The following ACIN1 variants were observed in gnomAD, a reference collection of about 807,000 sequenced individuals.
ACIN1 encodes the protein apoptotic chromatin condensation inducer in the nucleus.
Under a neutral mutation model 146.6 loss-of-function variants are expected in ACIN1, and 16 were observed. The observed-to-expected ratio is 0.11, with a 90% confidence interval of 0.07 to 0.17. The LOEUF is 0.17. Among genes scored for constraint, ACIN1 ranks in the 10% least tolerant of loss-of-function variants. The probability of loss-of-function intolerance (pLI) is 1.00; values close to 1 mark genes in which losing one functional copy is unlikely to be tolerated. For missense variants in ACIN1, 1,357 were observed against 1,609.3 expected, an observed-to-expected ratio of 0.84 and a Z score of 2.68; for synonymous variants, 569 against 582.7, an observed-to-expected ratio of 0.98 and a Z score of 0.34.
chr14:23,094,675 G>A, intron 1 of ACIN1: 1 of 721,206 alleles, frequency 1.4e-6, no homozygotes, highest in Non-Finnish European at 2.0e-6. Context: ...CAGCGCATGC[G>A]CCGAAACCAC....
Position 23,079,596 on chromosome 14 carries a change from C to A in ACIN1, c.1739G>T (p.Arg580Ile). 3.1e-6 allele frequency: 5 copies of A among 1,614,204 alleles called. No homozygotes were observed. The highest frequency in any genetic ancestry group is 4.2e-6 in the Non-Finnish European group (5 of 1,180,036). Reference protein sequence around the residue: ...KMGSRSTSESRSRSRSRSRSA... With the variant: ...KMGSRSTSESISRSRSRSRSA... Reference sequence around the variant, plus strand: ...ACGAGAACGTGAACGTGACCTTGATCTGGACTCTGATGTTGATCTGGAGCC... The same window carrying A: ...ACGAGAACGTGAACGTGACCTTGATATGGACTCTGATGTTGATCTGGAGCC... The change falls in exon 6 of 19, where the codon AGA (arginine) becomes ATA (isoleucine). Residue 580 changes from arginine to isoleucine, a missense_variant. Transcript: ENST00000605057.
In ACIN1 at chr14:23,071,610, C is replaced by T. The variant is rs1046592047; in HGVS notation, c.2124-1993G>A. On this transcript the variant is annotated intron_variant, in intron 8 of 18. Coordinates refer to ENST00000605057, the MANE Select transcript of ACIN1 (RefSeq NM_001386863.1). ...CGGATGGGGGAGGGCCTTGCTGCAG[C>T]AGGGGAGGGGAAAGAAAAGAGGGAG... is the stretch of plus-strand genomic sequence containing the variant. 30 of 1,494,590 alleles carry T rather than the reference C, an allele frequency of 2.0e-5. No homozygotes were observed. The South Asian group carries it at 3.7e-4, about 18-fold the overall frequency. The allele number at this position is 1,494,590 out of a possible 1,614,324, so 92.6% of individuals were successfully genotyped here. A position where few individuals can be genotyped will look rare whatever the true frequency, so the allele number is the denominator to read the frequency against.
At position 23,062,177 on chromosome 14, in the gene ACIN1, C is replaced by T; in HGVS notation, c.3090G>A (p.Glu1030=). The T allele has an allele frequency of 6.2e-7, 1 of 1,613,870 alleles. No individual in the cohort carries two copies. Among genetic ancestry groups the T allele is most frequent in the Non-Finnish European group, 8.5e-7 (1 of 1,179,892 alleles). Residue 1030 remains glutamate (E), a synonymous_variant, in exon 16 of 19, where the codon GAG becomes GAA. Transcript: ENST00000605057. The stretch of plus-strand genomic sequence containing the variant: ...TCCCTAGGTTTCTTACCTCATCTTG[C>T]TCGGCATAGTCAGCACAAAGGAATT... The part of the protein sequence containing the change: ...NPKFLCADYA[E]QDELDYHRGL...
At chr14:23,084,070 CTGAG>C (rs1057368108) in intron 4 of ACIN1, among the ~76,000 whole-genome samples, 13 of 151,952 alleles carry the variant, frequency 8.6e-5, no homozygotes, top group Admixed American at 5.9e-4. Flanking sequence ...CCTCAGCCTC[CTGAG>C]TAACTGGGAC....
Position 23,069,522 on chromosome 14 carries a change from T to C in ACIN1, c.2219A>G (p.Asn740Ser), listed in dbSNP as rs1173282344. ...AACACTGCCCTCCGGGCGGTCATCA[T>C]TGCTGACTTGGTCTGCAATAGGCAT... The part of the protein sequence containing the change: ...PPMPIADQVS[N>S]DDRPEGSVED... The change falls in exon 9 of 19, where the codon AAT becomes AGT. Residue 740 changes from asparagine (N) to serine (S), a missense_variant. By Grantham distance (46) the Asn-to-Ser change is conservative. Coordinates refer to ENST00000605057, the MANE Select transcript of ACIN1 (RefSeq NM_001386863.1). 4 of 1,614,066 alleles carry C rather than the reference T, an allele frequency of 2.5e-6. No individual in the cohort carries two copies. The Admixed American group carries it at 6.7e-5, about 27-fold the overall frequency.
chr14:23,071,378 G>C (rs745499298), intron 8 of ACIN1: 13 of 1,540,326 alleles, frequency 8.4e-6, no homozygotes, highest in Non-Finnish European at 1.8e-6. Context: ...GGTGGTGCGG[G>C]GAGGCTAAAA....
At chr14:23,059,785 C>T (rs966980082) in intron 18 of ACIN1, among the ~76,000 whole-genome samples, 1 of 151,690 alleles carries the variant, frequency 6.6e-6, no homozygotes, top group Admixed American at 6.6e-5. Flanking sequence ...TGCTGAGCAG[C>T]TGGGACCACA....
At chr14:23,061,263 T>C (rs2047270475) in intron 17 of ACIN1, 35 bp downstream of exon 17, 2 of 1,612,126 alleles carry the variant, frequency 1.2e-6, no homozygotes, top group South Asian at 1.1e-5. Flanking sequence ...TCCCACCTAC[T>C]AGTGGGTATG....
In ACIN1 at chr14:23,069,532, G is replaced by C; in HGVS notation, c.2209C>G (p.Gln737Glu). The C allele has an allele frequency of 6.2e-7, 1 of 1,613,986 alleles. No homozygotes were observed. Among genetic ancestry groups the C allele is most frequent in the Non-Finnish European group, 8.5e-7 (1 of 1,179,938 alleles). Residue 737 changes from glutamine to glutamate, a missense_variant, in exon 9 of 19, where the codon CAA (glutamine) becomes GAA (glutamate). By Grantham distance (29) the Gln-to-Glu change is conservative. Coordinates refer to ENST00000605057, the MANE Select transcript of ACIN1 (RefSeq NM_001386863.1). The part of the protein sequence containing the change: ...VPEPPMPIAD[Q>E]VSNDDRPEGS... The stretch of plus-strand genomic sequence containing the variant: ...TCCGGGCGGTCATCATTGCTGACTT[G>C]GTCTGCAATAGGCATGGGAGGTTCT...
intron 8 of ACIN1, among the ~76,000 whole-genome samples, chr14:23,073,210 G>GC (rs1445842190): frequency 6.6e-6 from 1 of 152,140 alleles, no homozygotes; most frequent in Non-Finnish European, 1.5e-5. Flanking sequence ...TACTTTATCT[G>GC]CCCCCCATCT....
intron 4 of ACIN1, among the ~76,000 whole-genome samples, chr14:23,085,880 C>G (rs2048079223): frequency 6.6e-6 from 1 of 152,140 alleles, no homozygotes; most frequent in Non-Finnish European, 1.5e-5. Context: ...ATTCGAAAAA[C>G]AAGTCAGGGT....
intron 4 of ACIN1, among the ~76,000 whole-genome samples, chr14:23,085,141 G>C (rs980538696): frequency 6.6e-6 from 1 of 151,840 alleles, no homozygotes; most frequent in Admixed American, 6.6e-5. Flanking sequence ...AGGAGATTAA[G>C]ACCATGGTGA....
At chr14:23,089,694 T>G (rs573014631) in intron 4 of ACIN1, among the ~76,000 whole-genome samples, 1 of 152,102 alleles carries the variant, frequency 6.6e-6, no homozygotes, top group African/African-American at 2.4e-5. Context: ...GGTGAAGAGA[T>G]GAAAAAGAGC....
Position 23,067,869 on chromosome 14 carries a change from G to A in ACIN1, c.2265+1607C>T, listed in dbSNP as rs891150387. The A allele has an allele frequency of 1.0e-6, 1 of 985,846 alleles. No individual in the cohort carries two copies. The highest frequency in any genetic ancestry group is 1.2e-6 in the Non-Finnish European group (1 of 829,954). The allele number at this position is 985,846 out of a possible 1,614,324, so 61.1% of individuals were successfully genotyped here. On this transcript the variant is annotated intron_variant, in intron 9 of 18. Transcript: ENST00000605057. The surrounding 1 kb of genome is among the most constrained non-coding windows in gnomAD (Gnocchi z 4.6). ...GAGCCTCTGATGAAGGTAGCCTGGG[G>A]GTAGGTGAATACCCCAGGACCTGGC...
intron 3 of ACIN1, 137 bp from the exon 4 acceptor site, chr14:23,090,238 A>T (rs1377393424): frequency 4.9e-6 from 6 of 1,227,288 alleles, no homozygotes; most frequent in Non-Finnish European, 6.6e-6. Flanking sequence ...ATAAAAAGAA[A>T]AAACTCCCTG....
intron 4 of ACIN1, among the ~76,000 whole-genome samples, chr14:23,083,078 C>T: frequency 6.6e-6 from 1 of 150,742 alleles, no homozygotes; most frequent in East Asian, 1.9e-4. Context: ...AAAAAAAGTT[C>T]TATTAAAAAG....
intron 4 of ACIN1, among the ~76,000 whole-genome samples, chr14:23,086,460 C>T (rs1021315968): frequency 1.3e-5 from 2 of 152,164 alleles, no homozygotes; most frequent in Non-Finnish European, 1.5e-5. Flanking sequence ...AGTCCTAACA[C>T]CTTAGAAATA....
chr14:23,092,834 A>ATT (rs1046168707), intron 2 of ACIN1, among the ~76,000 whole-genome samples: 13 of 152,180 alleles, frequency 8.5e-5, no homozygotes, highest in African/African-American at 2.9e-4. Context: ...GGAAAAAGGT[A>ATT]TTTCCCCTAG....
At chr14:23,059,828 G>GTT (rs1354808259) in intron 18 of ACIN1, among the ~76,000 whole-genome samples, 1 of 149,792 alleles carries the variant, frequency 6.7e-6, no homozygotes, top group Non-Finnish European at 1.5e-5. Context: ...TAATTTTTTT[G>GTT]TATTTTCAGT....
Sources: gnomAD v4.1 joint callset for allele counts (sites outside exome capture counted in the v4.1 genomes callset) on GRCh38, gnomAD v4.1.1 for gene constraint, Gnocchi (gnomAD v3.1) non-coding constraint, MANE v1.5 for transcripts, NCBI Gene and HGNC (gene_info 2026-07-23, HGNC 2026-07-21) for gene names.